Variants in CENPF observed in about 807,000 individuals in gnomAD.
CENPF encodes the protein centromere protein F, also known as AH antigen.
In CENPF, 214 loss-of-function variants were observed where a neutral mutation model predicts 307.3. The ratio of observed to expected loss-of-function variants is 0.70; its 90% confidence interval spans 0.62 to 0.78. The LOEUF (loss-of-function observed/expected upper bound fraction) is 0.78, where lower values mean the gene tolerates loss of function less well. Among genes scored for constraint, CENPF ranks in the 30% least tolerant of loss-of-function variants. The pLI, the probability that CENPF is intolerant of heterozygous loss-of-function variation, is 0.00. For missense variants in CENPF, 3,401 were observed against 3,483.9 expected (o/e 0.98, Z 0.60); for synonymous variants, 1,259 against 1,270.6 (o/e 0.99, Z 0.19).
chr1:214,643,515 A>G (rs904873262), intron 12 of CENPF, among the ~76,000 whole-genome samples, 191 bp downstream of exon 12: 1 of 152,226 alleles, frequency 6.6e-6, no homozygotes, highest in African/African-American at 2.4e-5. Flanking sequence ...TATTTGAGGA[A>G]TAAATTTCTA....
chr1:214,630,460 G>C, intron 8 of CENPF, 74 bp from the exon 9 acceptor site: 2 of 1,574,574 alleles, frequency 1.3e-6, no homozygotes, highest in Non-Finnish European at 8.7e-7. Context: ...CGCCTGTTAG[G>C]ATGCTCATGC....
chr1:214,621,275 G>A (rs1377268883), intron 6 of CENPF, among the ~76,000 whole-genome samples: 1 of 152,164 alleles, frequency 6.6e-6, no homozygotes, highest in Non-Finnish European at 1.5e-5. Flanking sequence ...CTCCTTTTGT[G>A]ACCCACAGAA....
At chr1:214,603,902 AT>A (rs1656955586) in intron 1 of CENPF, among the ~76,000 whole-genome samples, 1 of 150,432 alleles carries the variant, frequency 6.6e-6, no homozygotes, top group Non-Finnish European at 1.5e-5. Flanking sequence ...GGCTCAAGGG[AT>A]CCTCCCGCCT....
intron 1 of CENPF, among the ~76,000 whole-genome samples, chr1:214,604,406 T>G (rs1360134751): frequency 6.6e-6 from 1 of 152,186 alleles, no homozygotes; most frequent in Non-Finnish European, 1.5e-5. Flanking sequence ...TTTTGTTCTT[T>G]TGCCCCAATG....
intron 7 of CENPF, among the ~76,000 whole-genome samples, chr1:214,623,292 A>G (rs367899358): frequency 6.6e-6 from 1 of 152,230 alleles, no homozygotes; most frequent in Admixed American, 6.5e-5. Context: ...ATTATTACAA[A>G]TATTTTACAT....
chr1:214,615,244 A>G (rs1657304256), intron 3 of CENPF: 1 of 334,838 alleles, frequency 3.0e-6, no homozygotes, highest in Non-Finnish European at 5.5e-6. Context: ...TCAGTACGAT[A>G]TAAATTTATC....
At chr1:214,615,227 G>A in intron 3 of CENPF, 199 bp downstream of exon 3, 1 of 433,770 alleles carries the variant, frequency 2.3e-6, no homozygotes, top group Non-Finnish European at 4.2e-6. Flanking sequence ...TTTTATCATT[G>A]CATAGCTCAG....
chr1:214,631,433 A>G (rs1657805347), intron 9 of CENPF, among the ~76,000 whole-genome samples: 1 of 152,176 alleles, frequency 6.6e-6, no homozygotes, highest in Non-Finnish European at 1.5e-5. Context: ...AGATTTCTGC[A>G]TGTGAAATTT....
chr1:214,652,380 A>G lies in CENPF; in HGVS notation c.8161-448A>G, dbSNP rs115982041. ...TATATTTCCATTTTGGAGTAGAATA[A>G]TAGGAGAGCTGCAAAGTCGAAATAG... On this transcript the variant is annotated intron_variant, in intron 15 of 19. Transcript: ENST00000366955. Among the ~76,000 whole-genome samples the G allele has an allele frequency of 4.9e-3, 740 of 151,500 alleles. 9 individuals are homozygous for G. The highest frequency in any genetic ancestry group is 0.017 in the African/African-American group (721 of 41,270).
At chr1:214,616,906 TTTCTTTCTTTCTTTC>T (rs1426252396) in intron 3 of CENPF, among the ~76,000 whole-genome samples, 17 of 81,000 alleles carry the variant, frequency 2.1e-4, no homozygotes, top group African/African-American at 8.1e-4. Flanking sequence ...TCTTTCTTTC[TTTCTTTCTTTCTTTC>T]TTCTTTCTTT....
In CENPF at chr1:214,651,717, T is replaced by G; in HGVS notation, c.7991T>G (p.Leu2664Trp). ...LEEIKSSKDQ[L>W]KELTLENSEL... is the part of the protein sequence containing the mutation. The stretch of plus-strand genomic sequence containing the variant: ...TATTATTTTTCTGTTTAGGATCAAT[T>G]GAAGGAGCTCACACTAGAAAATAGT... The change falls in exon 15 of 20, where the codon TTG becomes TGG. Residue 2664 changes from leucine (L) to tryptophan (W), a missense_variant. Transcript: ENST00000366955. The G allele has an allele frequency of 2.5e-6, 4 of 1,581,468 alleles. No individual in the cohort carries two copies. Among genetic ancestry groups the G allele is most frequent in the Non-Finnish European group, 3.4e-6 (4 of 1,170,564 alleles).
At chr1:214,643,573 T>G (rs149044553) in intron 12 of CENPF, among the ~76,000 whole-genome samples, 96 of 152,306 alleles carry the variant, frequency 6.3e-4, no homozygotes, top group African/African-American at 2.3e-3. Context: ...CTAAAGATGT[T>G]TTTAAAGTCT....
chr1:214,652,527 T>C (rs892151945), intron 15 of CENPF, among the ~76,000 whole-genome samples: 11 of 146,982 alleles, frequency 7.5e-5, no homozygotes, highest in African/African-American at 2.8e-4. Flanking sequence ...CACTGCAGCC[T>C]CTGCCTCCTG....
chr1:214,658,728 G>A, intron 18 of CENPF, 122 bp from the exon 19 acceptor site: 2 of 912,382 alleles, frequency 2.2e-6, no homozygotes, highest in Non-Finnish European at 3.4e-6. Context: ...TGACCACAGT[G>A]GCTAGGACAA....
intron 3 of CENPF, among the ~76,000 whole-genome samples, chr1:214,615,701 G>A (rs899360972): frequency 6.6e-6 from 1 of 152,142 alleles, no homozygotes. Context: ...CACTTTAGGA[G>A]GCCGAGGCAA....
chr1:214,652,025 T>C, intron 15 of CENPF, 139 bp downstream of exon 15: 1 of 602,954 alleles, frequency 1.7e-6, no homozygotes, highest in Non-Finnish European at 2.6e-6. Context: ...TCACATTAAC[T>C]TCACGATCTT....
At chr1:214,605,486 C>G (rs1157416824) in intron 1 of CENPF, 9 of 522,578 alleles carry the variant, frequency 1.7e-5, no homozygotes. Flanking sequence ...TCTGTTTTCA[C>G]GTATTTTCTT....
intron 10 of CENPF, among the ~76,000 whole-genome samples, chr1:214,637,025 A>G (rs1657982713): frequency 6.6e-6 from 1 of 152,238 alleles, no homozygotes; most frequent in Non-Finnish European, 1.5e-5. Flanking sequence ...TTCAGAACAT[A>G]TAGGCCTCCC....
In CENPF at chr1:214,614,825, T is replaced by G. The variant is rs746047961; in HGVS notation, c.163-7T>G. The G allele has an allele frequency of 9.0e-6, 14 of 1,558,714 alleles. No individual in the cohort carries two copies. Among genetic ancestry groups the G allele is most frequent in the Non-Finnish European group, 1.1e-5 (13 of 1,153,360 alleles). On this transcript the variant is annotated splice_region_variant and splice_polypyrimidine_tract_variant and intron_variant, in intron 2 of 19. Coordinates refer to ENST00000366955, the MANE Select transcript of CENPF (RefSeq NM_016343.4). ...GGAGTTATTGTCTTCTGAACAATTCTCATTAGGTTGAAAATGAAAAAACCG... is the reference window on the plus strand; with the variant it reads ...GGAGTTATTGTCTTCTGAACAATTCGCATTAGGTTGAAAATGAAAAAACCG...
Sources: allele counts gnomAD v4.1 joint callset (sites outside exome capture counted in the v4.1 genomes callset), GRCh38; gene constraint gnomAD v4.1.1; transcripts MANE v1.5; gene names NCBI Gene and HGNC (gene_info 2026-07-23, HGNC 2026-07-21).